The following SCAPER variants were observed in gnomAD, a reference collection of about 807,000 sequenced individuals.
The protein encoded by SCAPER is S phase cyclin A-associated protein in the endoplasmic reticulum.
Under a neutral mutation model 182.2 loss-of-function variants are expected in SCAPER, and 98 were observed. That is an observed-to-expected ratio of 0.54 (90% CI 0.46 to 0.64). The LOEUF (loss-of-function observed/expected upper bound fraction) is 0.64, where lower values mean the gene tolerates loss of function less well. SCAPER is among the 30% of genes least tolerant of loss of function. SCAPER has a pLI of 0.00. For missense variants in SCAPER, 1,432 were observed against 1,690.0 expected (o/e 0.85, Z 2.68); for synonymous variants, 605 against 564.6 (o/e 1.07, Z -1.01).
intron 29 of SCAPER, among the ~76,000 whole-genome samples, chr15:76,358,016 T>A (rs1288259135): frequency 6.6e-6 from 1 of 152,216 alleles, no homozygotes; most frequent in African/African-American, 2.4e-5. Context: ...ACTGTTACAC[T>A]AAAAGCCCAG....
At chr15:76,716,828 G>A (rs1465506093) in intron 17 of SCAPER, among the ~76,000 whole-genome samples, 1 of 151,856 alleles carries the variant, frequency 6.6e-6, no homozygotes, top group Non-Finnish European at 1.5e-5. Flanking sequence ...TCCCAAAGGG[G>A]GAAGAAACAG....
intron 7 of SCAPER, 98 bp downstream of exon 7, chr15:76,800,150 T>C: frequency 3.0e-6 from 2 of 668,432 alleles, no homozygotes; most frequent in African/African-American, 3.6e-5. Flanking sequence ...AACATATACA[T>C]GGATATTTTT....
At chr15:76,798,469 A>T (rs187664499) in intron 7 of SCAPER, among the ~76,000 whole-genome samples, 99 of 152,146 alleles carry the variant, frequency 6.5e-4, no homozygotes, top group African/African-American at 2.2e-3. Context: ...AGGAGAGAAG[A>T]GAGAGAAAGG....
Position 76,456,905 on chromosome 15 carries a change from C to A in SCAPER, c.3078+14307G>T, listed in dbSNP as rs79212450. Among the ~76,000 whole-genome samples, 1,244 of 152,220 alleles carry A rather than the reference C, an allele frequency of 8.2e-3. 12 individuals carry two copies. The highest frequency in any genetic ancestry group is 0.028 in the African/African-American group (1,180 of 41,534). On this transcript the variant is annotated intron_variant, in intron 25 of 31. Coordinates refer to ENST00000563290, the MANE Select transcript of SCAPER (RefSeq NM_020843.4). ...TTCTACTCTGATATTAATATAGCTA[C>A]TTCTTATGCTTACTATGTATGTCTT...
intron 19 of SCAPER, 79 bp from the exon 20 acceptor site, chr15:76,701,944 T>C (rs999812116): frequency 4.2e-6 from 4 of 951,310 alleles, no homozygotes; most frequent in African/African-American, 3.3e-5. Context: ...GTCCAGTATA[T>C]GATATGTGAG....
At chr15:76,874,203 A>C (rs2072989421) in intron 2 of SCAPER, among the ~76,000 whole-genome samples, 5 of 152,152 alleles carry the variant, frequency 3.3e-5, no homozygotes. Flanking sequence ...CAACCAATAC[A>C]TTTCTAAATA....
At chr15:76,623,279 C>T (rs1499022) in intron 21 of SCAPER, among the ~76,000 whole-genome samples, 149,308 of 152,312 alleles carry the variant, frequency 0.98, 73,243 homozygotes, top group South Asian at 1. Context: ...TTTGTGTTTA[C>T]TACAATTGCT....
At chr15:76,759,105 G>T (rs2151231049) in intron 14 of SCAPER, among the ~76,000 whole-genome samples, 1 of 152,164 alleles carries the variant, frequency 6.6e-6, no homozygotes, top group African/African-American at 2.4e-5. Flanking sequence ...CTAGTACTAT[G>T]TTGGAGAGAA....
At chr15:76,640,298 T>G (rs112285970) in intron 21 of SCAPER, among the ~76,000 whole-genome samples, 1 of 152,216 alleles carries the variant, frequency 6.6e-6, no homozygotes, top group Non-Finnish European at 1.5e-5. Flanking sequence ...GTTTAGAACA[T>G]AGATTACAAA....
intron 2 of SCAPER, among the ~76,000 whole-genome samples, chr15:76,876,812 T>C (rs2073196462): frequency 6.6e-6 from 1 of 152,186 alleles, no homozygotes; most frequent in African/African-American, 2.4e-5. Flanking sequence ...TTCCATTCAA[T>C]ATTATATTGA....
intron 21 of SCAPER, among the ~76,000 whole-genome samples, chr15:76,632,328 T>G (rs545752947): frequency 3.9e-5 from 6 of 152,224 alleles, no homozygotes; most frequent in Admixed American, 2.0e-4. Context: ...CAGCTGGGAC[T>G]ACAGGTGCCT....
intron 25 of SCAPER, among the ~76,000 whole-genome samples, chr15:76,440,577 G>A (rs938640119): frequency 6.6e-6 from 1 of 152,078 alleles, no homozygotes; most frequent in African/African-American, 2.4e-5. Context: ...TAGGTTCACT[G>A]AGAATCAATA....
chr15:76,632,768 C>CTTTTTT (rs1188058843), intron 21 of SCAPER, among the ~76,000 whole-genome samples: 7 of 104,524 alleles, frequency 6.7e-5, no homozygotes, highest in Admixed American at 9.4e-5. Flanking sequence ...AGGCTGCTGA[C>CTTTTTT]TTTTTTTTTT....
intron 28 of SCAPER, among the ~76,000 whole-genome samples, chr15:76,377,977 CAT>C (rs1487817776): frequency 1.3e-5 from 2 of 152,186 alleles, no homozygotes; most frequent in Non-Finnish European, 2.9e-5. Flanking sequence ...TTTATGCAAT[CAT>C]ATTTAATCCT....
intron 29 of SCAPER, among the ~76,000 whole-genome samples, chr15:76,360,731 C>T (rs1596296855): frequency 6.6e-6 from 1 of 152,218 alleles, no homozygotes; most frequent in South Asian, 2.1e-4. Flanking sequence ...ATCAAATAAC[C>T]AGTTCTTGGT....
intron 4 of SCAPER, among the ~76,000 whole-genome samples, chr15:76,853,220 A>G (rs964099568): frequency 1.3e-4 from 20 of 152,152 alleles, no homozygotes; most frequent in African/African-American, 4.3e-4. Context: ...CAGGACCAGA[A>G]GGATTCACAG....
intron 21 of SCAPER, among the ~76,000 whole-genome samples, chr15:76,641,687 C>A (rs887446609): frequency 1.3e-5 from 2 of 152,064 alleles, no homozygotes; most frequent in African/African-American, 2.4e-5. Flanking sequence ...CCAGCAGGAA[C>A]AAGAAAAGGA....
intron 20 of SCAPER, among the ~76,000 whole-genome samples, chr15:76,667,506 T>G (rs2056669634): frequency 6.6e-6 from 1 of 151,784 alleles, no homozygotes; most frequent in South Asian, 2.1e-4. Flanking sequence ...TCTCCTGAAC[T>G]CCATTCACCT....
intron 21 of SCAPER, among the ~76,000 whole-genome samples, chr15:76,645,043 T>C (rs1331419685): frequency 2.6e-5 from 4 of 152,138 alleles, no homozygotes; most frequent in Non-Finnish European, 5.9e-5. Context: ...ATTGAAAACA[T>C]ACATATTTTT....
Sources: allele counts gnomAD v4.1 joint callset (sites outside exome capture counted in the v4.1 genomes callset), GRCh38; gene constraint gnomAD v4.1.1; transcripts MANE v1.5; gene names NCBI Gene and HGNC (gene_info 2026-07-23, HGNC 2026-07-21).